The following WWOX variants were observed in gnomAD, a reference collection of about 807,000 sequenced individuals.
The protein encoded by WWOX is WW domain-containing oxidoreductase.
Under a neutral mutation model 46.2 loss-of-function variants are expected in WWOX, and 69 were observed. The ratio of observed to expected loss-of-function variants is 1.49; its 90% CI spans 1.23 to 1.82. The LOEUF is 1.82. WWOX is among the 40% of genes most tolerant of loss of function. WWOX has a pLI of 0.00. For synonymous variants in WWOX, 359 were observed against 202.6 expected (o/e 1.77, Z -6.56); for missense variants, 919 against 542.6 (o/e 1.69, Z -6.89).
chr16:78,255,348 C>T (rs1367534688), intron 5 of WWOX, among the ~76,000 whole-genome samples: 1 of 152,112 alleles, frequency 6.6e-6, no homozygotes, highest in Non-Finnish European at 1.5e-5. Context: ...ATGAATAAAC[C>T]TAAAGGATTT....
chr16:78,862,053 TAGAG>T (rs931738227), intron 8 of WWOX, among the ~76,000 whole-genome samples: 7 of 140,986 alleles, frequency 5.0e-5, no homozygotes, highest in Admixed American at 2.9e-4. Context: ...ATTATATATA[TAGAG>T]AGAGATATAT....
intron 8 of WWOX, among the ~76,000 whole-genome samples, chr16:78,637,773 G>A (rs914456283): frequency 3.9e-5 from 6 of 152,180 alleles, no homozygotes; most frequent in African/African-American, 1.4e-4. Context: ...CAAAATGGAG[G>A]GATGTGTAGG....
intron 8 of WWOX, among the ~76,000 whole-genome samples, chr16:78,635,482 G>A (rs879697034): frequency 6.6e-6 from 1 of 152,114 alleles, no homozygotes; most frequent in Non-Finnish European, 1.5e-5. Flanking sequence ...ATTAGAAGTC[G>A]TGCACCTGGG....
At chr16:79,122,180 A>C (rs2049648651) in intron 8 of WWOX, among the ~76,000 whole-genome samples, 1 of 152,140 alleles carries the variant, frequency 6.6e-6, no homozygotes, top group African/African-American at 2.4e-5. Flanking sequence ...CTTGCTTCTA[A>C]ACCTCTGTGA....
rs2081056456 is a variant in WWOX, at chr16:78,343,925, T to C, written c.517-42935T>C. On this transcript the variant is annotated intron_variant, in intron 5 of 8. Coordinates refer to ENST00000566780, the MANE Select transcript of WWOX (RefSeq NM_016373.4). ...TGACGATGACCCTTGGTTGGAGCAA[T>C]GTAGTCTAAATGTGGTTGCATCATC... Among the ~76,000 whole-genome samples, 4 of 120,092 alleles carry C rather than the reference T, an allele frequency of 3.3e-5. 1 individual carries two copies. Among genetic ancestry groups the C allele is most frequent in the Non-Finnish European group, 7.9e-5 (4 of 50,338 alleles). The allele number at this position is 120,092 out of a possible 152,430, so 78.8% of individuals were successfully genotyped here. A position where few individuals can be genotyped will look rare whatever the true frequency, so the allele number is the denominator to read the frequency against.
At chr16:78,670,516 G>C (rs577453170) in intron 8 of WWOX, among the ~76,000 whole-genome samples, 6 of 151,870 alleles carry the variant, frequency 4.0e-5, no homozygotes, top group African/African-American at 1.5e-4. Context: ...GTGGGTTATG[G>C]GATAAATGGC....
At chr16:78,360,452 G>A (rs1424136484) in intron 5 of WWOX, among the ~76,000 whole-genome samples, 1 of 151,992 alleles carries the variant, frequency 6.6e-6, no homozygotes, top group African/African-American at 2.4e-5. Flanking sequence ...TGGCATGGCA[G>A]CGCACACCTG....
chr16:78,671,552 A>G (rs2047464227), intron 8 of WWOX, among the ~76,000 whole-genome samples: 1 of 152,174 alleles, frequency 6.6e-6, no homozygotes, highest in African/African-American at 2.4e-5. Context: ...TGCCCCTTCT[A>G]GTTTTTATGA....
At chr16:78,683,738 A>G (rs1177003325) in intron 8 of WWOX, among the ~76,000 whole-genome samples, 1 of 152,078 alleles carries the variant, frequency 6.6e-6, no homozygotes, top group Admixed American at 6.5e-5. Flanking sequence ...TGTGGTCTTC[A>G]GGGACTTGTG....
At chr16:78,821,697 C>G (rs77454388) in intron 8 of WWOX, among the ~76,000 whole-genome samples, 6,672 of 152,276 alleles carry the variant, frequency 0.044, 192 homozygotes, top group Non-Finnish European at 0.063. Context: ...GCTCAGGGAA[C>G]TCAGTTGGTT....
chr16:78,710,142 G>A (rs1234616265), intron 8 of WWOX, among the ~76,000 whole-genome samples: 1 of 152,028 alleles, frequency 6.6e-6, no homozygotes, highest in African/African-American at 2.4e-5. Context: ...TCTGCCTCAT[G>A]TTGACCTGCT....
intron 8 of WWOX, among the ~76,000 whole-genome samples, chr16:78,597,238 T>A (rs1006610968): frequency 6.6e-6 from 1 of 152,208 alleles, no homozygotes; most frequent in East Asian, 1.9e-4. Flanking sequence ...AGGTGCTGTT[T>A]CCATTGCTTT....
intron 8 of WWOX, among the ~76,000 whole-genome samples, chr16:78,460,286 C>T (rs190242131): frequency 2.7e-4 from 41 of 152,262 alleles, no homozygotes; most frequent in East Asian, 1.2e-3. Flanking sequence ...CACCACCACA[C>T]CCAGCTAGTT....
intron 8 of WWOX, among the ~76,000 whole-genome samples, chr16:79,107,475 A>G (rs557404970): frequency 2.4e-4 from 37 of 152,240 alleles, no homozygotes; most frequent in Non-Finnish European, 4.8e-4. Context: ...AAGAAAAGAA[A>G]TCTACTCAGG....
At chr16:78,470,300 C>CTTG (rs2084189798) in intron 8 of WWOX, among the ~76,000 whole-genome samples, 1 of 152,292 alleles carries the variant, frequency 6.6e-6, no homozygotes, top group South Asian at 2.1e-4. Flanking sequence ...AGAGCATAAC[C>CTTG]TTGTGCCCAG....
intron 8 of WWOX, among the ~76,000 whole-genome samples, chr16:78,863,249 C>T (rs1048947769): frequency 6.6e-6 from 1 of 152,170 alleles, no homozygotes; most frequent in South Asian, 2.1e-4. Context: ...TGAGCCACCA[C>T]TCCCAGCCAG....
At chr16:78,946,931 A>C (rs1336961795) in intron 8 of WWOX, among the ~76,000 whole-genome samples, 1 of 152,184 alleles carries the variant, frequency 6.6e-6, no homozygotes, top group Non-Finnish European at 1.5e-5. Context: ...TTCCTGGAAG[A>C]TTGAGATGAA....
chr16:79,003,501 G>T (rs996396256), intron 8 of WWOX, among the ~76,000 whole-genome samples: 4 of 152,186 alleles, frequency 2.6e-5, no homozygotes, highest in African/African-American at 7.2e-5. Context: ...TGATTTTCTG[G>T]GTCAGGACTC....
intron 8 of WWOX, among the ~76,000 whole-genome samples, chr16:78,678,096 G>A (rs2047646543): frequency 6.6e-6 from 1 of 152,080 alleles, no homozygotes; most frequent in East Asian, 1.9e-4. Context: ...TTGTCTCACT[G>A]CCCTCCCCCT....
Sources: allele counts gnomAD v4.1 joint callset (sites outside exome capture counted in the v4.1 genomes callset), GRCh38; gene constraint gnomAD v4.1.1; transcripts MANE v1.5; gene names NCBI Gene and HGNC (gene_info 2026-07-23, HGNC 2026-07-21).